Variants in SLC29A2 observed in about 807,000 individuals in gnomAD.
SLC29A2 encodes equilibrative nucleoside transporter 2.
A neutral mutation model predicts 48.8 loss-of-function variants in SLC29A2; 37 were observed. The ratio of observed to expected loss-of-function variants is 0.76; its 90% CI spans 0.58 to 1.00. SLC29A2 has a LOEUF of 1.00. Ranked by LOEUF, SLC29A2 falls within the 50% of genes least tolerant of loss-of-function variation. The pLI is 0.00. For missense variants in SLC29A2, 533 were observed against 578.6 expected, an observed-to-expected ratio of 0.92 and a Z score of 0.81; for synonymous variants, 233 against 261.7, an observed-to-expected ratio of 0.89 and a Z score of 1.06.
chr11:66,371,839 C>T (rs144997123), upstream of SLC29A2: 4,599 of 553,982 alleles, frequency 8.3e-3, 195 homozygotes, highest in African/African-American at 0.084. Context: ...CTTCCCCCAC[C>T]CGCCTCAGGG....
At position 66,366,245 on chromosome 11, in the gene SLC29A2, G is replaced by T; in HGVS notation, c.868-14C>A. 6.2e-7 allele frequency: 1 copy of T among 1,611,452 alleles called. No homozygotes were observed. Among genetic ancestry groups the T allele is most frequent in the Non-Finnish European group, 8.5e-7 (1 of 1,177,630 alleles). On this transcript the variant is annotated splice_polypyrimidine_tract_variant and intron_variant, in intron 8 of 11. Transcript: ENST00000357440. ...TGTCAGCCAGATCTGGGAGCCAGAG[G>T]CAGGGGTGTGAGCAGGCAGGGCAGT...
chr11:66,369,463 G>T lies in SLC29A2; in HGVS notation c.181C>A (p.Pro61Thr). The T allele has an allele frequency of 6.2e-7, 1 of 1,614,098 alleles. No homozygotes were observed. The highest frequency in any genetic ancestry group is 8.5e-7 in the Non-Finnish European group (1 of 1,180,006). Residue 61 changes from proline to threonine, a missense_variant, in exon 3 of 12, where the codon CCC becomes ACC. Physicochemically the swap from Pro to Thr is conservative, Grantham distance 38. Coordinates refer to ENST00000357440, the MANE Select transcript of SLC29A2 (RefSeq NM_001532.3). Reference protein sequence around the residue: ...ARILSTNHTGPEDAFNFNNWV... With the variant: ...ARILSTNHTGTEDAFNFNNWV... ...TTGTTGAAGTTGAAGGCATCCTCGGGACCCGTGTGGTTGGTGCTCAGGATC... is the reference window on the plus strand; with the variant it reads ...TTGTTGAAGTTGAAGGCATCCTCGGTACCCGTGTGGTTGGTGCTCAGGATC...
In SLC29A2 at chr11:66,367,752, G is replaced by C. The variant is rs377492899; in HGVS notation, c.648+20C>G. 7 of 1,608,554 alleles carry C rather than the reference G, an allele frequency of 4.4e-6. No homozygotes were observed. In the South Asian group the frequency reaches 5.5e-5, roughly 13 times the overall value. On this transcript the variant is annotated intron_variant, in intron 6 of 11. Coordinates refer to ENST00000357440, the MANE Select transcript of SLC29A2 (RefSeq NM_001532.3). ...CCAAGATGCTTTGAGGTGGGGCCTC[G>C]AGCCCAACAGCAGGCTCACCAGGTG... is the stretch of plus-strand genomic sequence containing the variant.
At chr11:66,371,928 C>T (rs2135020422), upstream of SLC29A2, 1 of 404,896 alleles carries the variant, frequency 2.5e-6, no homozygotes, top group Non-Finnish European at 4.4e-6. Flanking sequence ...CTCCCCGCAG[C>T]CCCCCGTCCT....
At chr11:66,368,990 G>A (rs1370960212) in intron 4 of SLC29A2, 70 bp downstream of exon 4, 27 of 1,532,610 alleles carry the variant, frequency 1.8e-5, no homozygotes, top group Non-Finnish European at 2.3e-5. Context: ...GGATATGCTG[G>A]GCCCTTTCAA....
rs370769036 is a variant in SLC29A2 at position 66,364,381 on chromosome 11, C to T, written c.1103G>A (p.Arg368Gln). The change falls in exon 11 of 12, where the codon CGG becomes CAG. Residue 368 changes from arginine (R) to glutamine (Q), a missense_variant. Arg to Gln is a conservative substitution (Grantham distance 43). Coordinates refer to ENST00000357440, the MANE Select transcript of SLC29A2 (RefSeq NM_001532.3). ...SRLLPLLVCL[R>Q]FLFVPLFMLC... ...CATGAAGAGGGGCACGAACAGGAAC[C>T]GCAGGCAGACCAGCAGGGGCAGCAG... 65 of 1,613,768 alleles carry T rather than the reference C, an allele frequency of 4.0e-5. No individual in the cohort carries two copies. Among genetic ancestry groups the T allele is most frequent in the Middle Eastern group, 3.3e-4 (2 of 6,058 alleles).
intron 2 of SLC29A2, among the ~76,000 whole-genome samples, chr11:66,370,226 A>G (rs1051901353): frequency 6.6e-6 from 1 of 151,852 alleles, no homozygotes; most frequent in African/African-American, 2.4e-5. Context: ...CAATTTACAA[A>G]TCTCCTCTTC....
rs1252629358 is a variant in SLC29A2, at chr11:66,371,479, C to T, written c.29+84G>A. 6 of 1,512,284 alleles carry T rather than the reference C, an allele frequency of 4.0e-6. No individual in the cohort carries two copies. In the Admixed American group the frequency reaches 7.8e-5, roughly 20 times the overall value. The allele number at this position is 1,512,284 out of a possible 1,614,324, so 93.7% of individuals were successfully genotyped here. ...GGCTGATGGGAATTGTAGTTCGATC[C>T]GGTCTTCTCTGAGCCTCGGAGCGCC... On this transcript the variant is annotated intron_variant, in intron 1 of 11. Coordinates refer to ENST00000357440, the MANE Select transcript of SLC29A2 (RefSeq NM_001532.3).
chr11:66,367,335 T>C, intron 7 of SLC29A2, 129 bp downstream of exon 7: 1 of 809,182 alleles, frequency 1.2e-6, no homozygotes, highest in Admixed American at 1.8e-5. Flanking sequence ...CTTCCCTTCA[T>C]GATCTTCCTG....
intron 10 of SLC29A2, among the ~76,000 whole-genome samples, chr11:66,365,322 A>G (rs559118975): frequency 6.6e-6 from 1 of 152,238 alleles, no homozygotes; most frequent in African/African-American, 2.4e-5. Flanking sequence ...GTGAGGGAGG[A>G]CCCAGCACTG....
intron 7 of SLC29A2, 124 bp from the exon 8 acceptor site, chr11:66,366,688 G>T: frequency 9.4e-7 from 1 of 1,065,976 alleles, no homozygotes; most frequent in Non-Finnish European, 1.3e-6. Flanking sequence ...GGTGGCTCAC[G>T]CCTGTAATCC....
Position 66,363,517 on chromosome 11 carries a change from G to GGCCACC in SLC29A2, c.1284_1289dup (p.Val429_Ala430dup). The stretch of plus-strand genomic sequence containing the variant: ...CCAGGAAGAAGGTCATGAGGGCGCC[G>GGCCACC]GCCACCTCCCTCTCGTGTGGCAGCA... On this transcript the variant is annotated inframe_insertion, in exon 12 of 12. Coordinates refer to ENST00000357440, the MANE Select transcript of SLC29A2 (RefSeq NM_001532.3). 6.2e-7 allele frequency: 1 copy of GGCCACC among 1,613,886 alleles called. No homozygotes were observed. The highest frequency in any genetic ancestry group is 8.5e-7 in the Non-Finnish European group (1 of 1,179,902).
chr11:66,363,434 C>G lies in SLC29A2; in HGVS notation c.*2G>C, dbSNP rs370779067. The G allele has an allele frequency of 5.6e-6, 9 of 1,610,824 alleles. No individual in the cohort carries two copies. The highest frequency in any genetic ancestry group is 2.7e-5 in the African/African-American group (2 of 74,856). ...GCTGCCAAAGAGCCTGGAGGGGCCACTTCAGAGCAGCGCCTTGAAGAGGAA... is the reference window on the plus strand; with the variant it reads ...GCTGCCAAAGAGCCTGGAGGGGCCAGTTCAGAGCAGCGCCTTGAAGAGGAA... On this transcript the variant is annotated 3_prime_UTR_variant, in exon 12 of 12. Coordinates refer to ENST00000357440, the MANE Select transcript of SLC29A2 (RefSeq NM_001532.3).
rs780716709 is a variant in SLC29A2 at position 66,369,522 on chromosome 11, G to A, written c.122C>T (p.Ala41Val). ...FFITAIPYFQ[A>V]RLAGAGNSTA... Reference sequence around the variant, plus strand: ...GCTGTTGCCGGCCCCGGCCAGTCGCGCCTGGAAGTACTGCCAGGTGGGGAG... The same window carrying A: ...GCTGTTGCCGGCCCCGGCCAGTCGCACCTGGAAGTACTGCCAGGTGGGGAG... The change falls in exon 3 of 12, where the codon GCG (alanine) becomes GTG (valine). Residue 41 changes from alanine (A) to valine (V), a missense_variant. By Grantham distance (64) the Ala-to-Val change is moderately conservative. Coordinates refer to ENST00000357440, the MANE Select transcript of SLC29A2 (RefSeq NM_001532.3). The A allele has an allele frequency of 1.3e-5, 21 of 1,613,656 alleles. No individual in the cohort carries two copies. Among genetic ancestry groups the A allele is most frequent in the Admixed American group, 3.3e-5 (2 of 59,994 alleles).
Position 66,365,583 on chromosome 11 carries a change from C to A in SLC29A2, c.1059+353G>T, listed in dbSNP as rs944782610. Among the ~76,000 whole-genome samples, 3 of 152,228 alleles carry A rather than the reference C, an allele frequency of 2.0e-5. No homozygotes were observed. In the South Asian group the frequency reaches 6.2e-4, roughly 32 times the overall value. ...CTTTCACCTGCGTTATGTATTGTCT[C>A]TTTGGAAGATTTCATTTAAAGATAC... On this transcript the variant is annotated intron_variant, in intron 10 of 11. Transcript: ENST00000357440.
At chr11:66,368,370 C>T (rs1855827932) in intron 5 of SLC29A2, among the ~76,000 whole-genome samples, 167 bp downstream of exon 5, 1 of 152,146 alleles carries the variant, frequency 6.6e-6, no homozygotes, top group Non-Finnish European at 1.5e-5. Context: ...CTCCTCACTG[C>T]AGGGCCCATG....
chr11:66,371,695 C>G lies in SLC29A2; in HGVS notation c.-104G>C, dbSNP rs1856057926. 2 of 1,192,908 alleles carry G rather than the reference C, an allele frequency of 1.7e-6. No homozygotes were observed. Among genetic ancestry groups the G allele is most frequent in the Non-Finnish European group, 2.3e-6 (2 of 854,898 alleles). The allele number at this position is 1,192,908 out of a possible 1,614,324, so 73.9% of individuals were successfully genotyped here. A position where few individuals can be genotyped will look rare whatever the true frequency, so the allele number is the denominator to read the frequency against. On this transcript the variant is annotated 5_prime_UTR_variant, in exon 1 of 12. Transcript: ENST00000357440. ...GACCGGTGGGGCGGGGGGCGGGTCT[C>G]CCCAGATTCCGGTGCAGGGCGGCTG...
In SLC29A2 at chr11:66,369,182, C is replaced by T. The variant is rs1433003361; in HGVS notation, c.293G>A (p.Arg98His). ...FLYQCVPETV[R>H]ILGSLLAILL... ...TATGGCCAGCAGGCTGCCCAGAATG[C>T]GCACCGTCTCCGGGACGCTGCTCAG... is the stretch of plus-strand genomic sequence containing the variant. The change falls in exon 4 of 12, where the codon CGC (arginine) becomes CAC (histidine). Residue 98 changes from arginine to histidine, a missense_variant. Physicochemically the swap from Arg to His is conservative, Grantham distance 29. Coordinates refer to ENST00000357440, the MANE Select transcript of SLC29A2 (RefSeq NM_001532.3). 1.4e-5 allele frequency: 22 copies of T among 1,574,720 alleles called. No homozygotes were observed. The highest frequency in any genetic ancestry group is 2.3e-5 in the South Asian group (2 of 86,478).
chr11:66,369,061 G>A lies in SLC29A2; in HGVS notation c.414C>T (p.Asn138=), dbSNP rs757326450. The change falls in exon 4 of 12, where the codon AAC becomes AAT. Residue 138 remains asparagine, a splice_region_variant and synonymous_variant. Transcript: ENST00000357440. ...TGGAGAGGGGGTGGAGGTGCTCACAGTTGATGAAGCAGACGGAGGCCATGG... is the reference window on the plus strand; with the variant it reads ...TGGAGAGGGGGTGGAGGTGCTCACAATTGATGAAGCAGACGGAGGCCATGG... ...SITMASVCFI[N]SFSAVLQGSL... is the part of the protein sequence containing the mutation. The A allele has an allele frequency of 2.5e-6, 4 of 1,599,792 alleles. No individual in the cohort carries two copies. Among genetic ancestry groups the A allele is most frequent in the Non-Finnish European group, 3.4e-6 (4 of 1,173,452 alleles).
Sources: gnomAD v4.1 joint callset for allele counts (sites outside exome capture counted in the v4.1 genomes callset) on GRCh38, gnomAD v4.1.1 for gene constraint, MANE v1.5 for transcripts, NCBI Gene and HGNC (gene_info 2026-07-23, HGNC 2026-07-21) for gene names.